Variants in KHDRBS2 observed in about 807,000 individuals in gnomAD.
The protein encoded by KHDRBS2 is KH RNA binding domain containing, signal transduction associated 2.
A neutral mutation model predicts 44.3 loss-of-function variants in KHDRBS2; 26 were observed. The ratio of observed to expected loss-of-function variants is 0.59; its 90% CI spans 0.43 to 0.81. The LOEUF (loss-of-function observed/expected upper bound fraction) is 0.81, where lower values mean the gene tolerates loss of function less well. Ranked by LOEUF, KHDRBS2 falls within the 40% of genes least tolerant of loss-of-function variation. The pLI is 0.00. For synonymous variants in KHDRBS2, 194 were observed against 151.1 expected, an observed-to-expected ratio of 1.28 and a Z score of -2.08; for missense variants, 476 against 433.1, an observed-to-expected ratio of 1.10 and a Z score of -0.88.
chr6:61,878,613 C>T (rs187260509), intron 6 of KHDRBS2, among the ~76,000 whole-genome samples: 10 of 151,918 alleles, frequency 6.6e-5, no homozygotes, highest in African/African-American at 1.5e-4. Flanking sequence ...TTTCTCTGGA[C>T]GTAAGCTTTC....
chr6:61,834,253 C>T (rs1332493163), intron 6 of KHDRBS2, among the ~76,000 whole-genome samples: 1 of 151,912 alleles, frequency 6.6e-6, no homozygotes, highest in Non-Finnish European at 1.5e-5. Context: ...CAAATGAATA[C>T]TTGGCACCTC....
the KHDRBS2 span, among the ~76,000 whole-genome samples, chr6:61,584,104 A>T: frequency 0.024 from 3,702 of 151,736 alleles, 71 homozygotes; most frequent in Middle Eastern, 0.086. Context: ...TACTTTTCTC[A>T]TAGATGTCCT....
At chr6:62,092,887 C>A (rs1799745502) in intron 2 of KHDRBS2, among the ~76,000 whole-genome samples, 1 of 152,026 alleles carries the variant, frequency 6.6e-6, no homozygotes, top group South Asian at 2.1e-4. Context: ...CCTCCTCTAG[C>A]TTTCATTGAG....
intron 3 of KHDRBS2, among the ~76,000 whole-genome samples, chr6:62,041,374 A>G (rs1010613818): frequency 6.6e-6 from 1 of 152,132 alleles, no homozygotes; most frequent in Non-Finnish European, 1.5e-5. Context: ...AGTAAAGCTT[A>G]TGACCTAAAA....
intron 1 of KHDRBS2, among the ~76,000 whole-genome samples, chr6:62,187,541 T>G (rs747977420): frequency 6.6e-6 from 1 of 152,194 alleles, no homozygotes; most frequent in Non-Finnish European, 1.5e-5. Flanking sequence ...TAAGTTTATA[T>G]ACAAAATATT....
chr6:61,690,848 C>T (rs149131378), intron 8 of KHDRBS2, among the ~76,000 whole-genome samples: 1 of 152,108 alleles, frequency 6.6e-6, no homozygotes, highest in Non-Finnish European at 1.5e-5. Flanking sequence ...GCTTCAAGTA[C>T]AATTTGGTCT....
intron 3 of KHDRBS2, among the ~76,000 whole-genome samples, chr6:61,980,801 AC>A (rs1416022982): frequency 6.6e-6 from 1 of 152,184 alleles, no homozygotes; most frequent in African/African-American, 2.4e-5. Context: ...GACTGACTTT[AC>A]AAATATTCTT....
intron 6 of KHDRBS2, among the ~76,000 whole-genome samples, chr6:61,836,524 G>T (rs559544813): frequency 6.6e-6 from 1 of 151,986 alleles, no homozygotes; most frequent in Non-Finnish European, 1.5e-5. Flanking sequence ...CATTTTTAAT[G>T]CTTCCAATAA....
intron 6 of KHDRBS2, among the ~76,000 whole-genome samples, chr6:61,874,032 C>A (rs7746359): frequency 0.4 from 61,391 of 151,662 alleles, 12,940 homozygotes; most frequent in African/African-American, 0.51. Flanking sequence ...TGAACTCTCT[C>A]TATATATAAT....
intron 7 of KHDRBS2, among the ~76,000 whole-genome samples, chr6:61,698,897 A>T (rs1582226233): frequency 6.6e-6 from 1 of 152,176 alleles, no homozygotes; most frequent in East Asian, 1.9e-4. Flanking sequence ...AATGTCACTT[A>T]TGAGAGATTT....
chr6:62,136,880 G>A (rs1022966554), intron 2 of KHDRBS2, among the ~76,000 whole-genome samples: 9 of 151,734 alleles, frequency 5.9e-5, no homozygotes, highest in East Asian at 3.9e-4. Context: ...GATAACATTC[G>A]CAAAGTTGGC....
the KHDRBS2 span, among the ~76,000 whole-genome samples, chr6:61,603,994 C>T: frequency 6.6e-6 from 1 of 152,188 alleles, no homozygotes; most frequent in African/African-American, 2.4e-5. Context: ...GCTGTAGTAT[C>T]TTCCACACTT....
chr6:61,659,864 G>A, the KHDRBS2 span, among the ~76,000 whole-genome samples: 2 of 151,776 alleles, frequency 1.3e-5, no homozygotes, highest in African/African-American at 2.4e-5. Context: ...AGGCCATACT[G>A]TTTAACCTCT....
chr6:61,917,598 T>C (rs1177483804), intron 4 of KHDRBS2, among the ~76,000 whole-genome samples: 1 of 151,922 alleles, frequency 6.6e-6, no homozygotes, highest in Admixed American at 6.6e-5. Context: ...ACCCAAAGAA[T>C]GTACAACATT....
the KHDRBS2 span, among the ~76,000 whole-genome samples, chr6:61,668,917 C>G: frequency 1.3e-5 from 2 of 150,956 alleles, no homozygotes; most frequent in Admixed American, 1.3e-4. Flanking sequence ...CAATACAATA[C>G]AGGATGCTGT....
intron 2 of KHDRBS2, among the ~76,000 whole-genome samples, chr6:62,112,839 A>G (rs1330575569): frequency 6.6e-6 from 1 of 152,140 alleles, no homozygotes; most frequent in Non-Finnish European, 1.5e-5. Flanking sequence ...GTGCATCAAA[A>G]TTATCTTTAG....
In KHDRBS2 at chr6:61,948,679, A is replaced by G. The variant is rs1312314041; in HGVS notation, c.483+29387T>C. ...CATTATTATTATTATTATTATTATT[A>G]TTATTATTATTATTTTAGAGATGAG... On this transcript the variant is annotated intron_variant, in intron 4 of 8. Transcript: ENST00000281156. Among the ~76,000 whole-genome samples, 10 of 148,216 alleles carry G rather than the reference A, an allele frequency of 6.7e-5. No homozygotes were observed. The East Asian group carries it at 2.0e-3, about 29-fold the overall frequency.
intron 6 of KHDRBS2, among the ~76,000 whole-genome samples, chr6:61,758,648 C>A (rs538780970): frequency 6.6e-6 from 1 of 151,946 alleles, no homozygotes; most frequent in African/African-American, 2.4e-5. Flanking sequence ...ATATGGCCCA[C>A]AAGAGTACAT....
At chr6:61,558,930 T>G in the KHDRBS2 span, among the ~76,000 whole-genome samples, 4 of 152,118 alleles carry the variant, frequency 2.6e-5, no homozygotes, top group African/African-American at 9.7e-5. Flanking sequence ...ATCTATTAGG[T>G]CCATTTGGTC....
Sources: allele counts gnomAD v4.1 joint callset (sites outside exome capture counted in the v4.1 genomes callset), GRCh38; gene constraint gnomAD v4.1.1; transcripts MANE v1.5; gene names NCBI Gene and HGNC (gene_info 2026-07-23, HGNC 2026-07-21).